Variants in PROSER1 observed in about 807,000 individuals in gnomAD.
The protein encoded by PROSER1 is proline and serine-rich protein 1.
PROSER1 carries 36 observed loss-of-function variants against 71.8 expected under a neutral mutation model. The observed-to-expected ratio is 0.50, with a 90% CI of 0.38 to 0.66. The LOEUF is 0.66. Among genes scored for constraint, PROSER1 ranks in the 30% least tolerant of loss-of-function variants. The pLI, the probability that PROSER1 is intolerant of heterozygous loss-of-function variation, is 0.00. For synonymous variants in PROSER1, 490 were observed against 452.4 expected (o/e 1.08, Z -1.06); for missense variants, 1,107 against 1,135.0 (o/e 0.98, Z 0.35).
At position 39,024,576 on chromosome 13, in the gene PROSER1, A is replaced by G. The variant is rs1193169848; in HGVS notation, c.481-20T>C. The G allele has an allele frequency of 1.3e-6, 2 of 1,495,938 alleles. No individual in the cohort carries two copies. The highest frequency in any genetic ancestry group is 2.4e-5 in the East Asian group (1 of 42,388). The allele number at this position is 1,495,938 out of a possible 1,614,324, so 92.7% of individuals were successfully genotyped here. ...AGTTCCCTATTAAAAAAAAAAAAAA[A>G]AGGTAATTGAAACTTAAAAAAAAAA... On this transcript the variant is annotated intron_variant, in intron 6 of 12. Coordinates refer to ENST00000352251, the MANE Select transcript of PROSER1 (RefSeq NM_025138.5).
intron 8 of PROSER1, 104 bp downstream of exon 8, chr13:39,022,948 A>ATT (rs1354937680): frequency 1.1e-6 from 1 of 888,214 alleles, no homozygotes; most frequent in African/African-American, 1.7e-5. Flanking sequence ...GTAGCATTTC[A>ATT]TAAGTGCTAC....
intron 11 of PROSER1, 169 bp from the exon 12 acceptor site, chr13:39,012,402 TCTA>T: frequency 4.1e-6 from 3 of 734,772 alleles, no homozygotes; most frequent in East Asian, 2.7e-5. Context: ...TATGAATCTT[TCTA>T]CTGTGAAGTA....
Position 39,013,650 on chromosome 13 carries a change from C to T in PROSER1, c.1602G>A (p.Gly534=), listed in dbSNP as rs1267869273. 1 of 1,614,058 alleles carries T rather than the reference C, an allele frequency of 6.2e-7. No homozygotes were observed. The highest frequency in any genetic ancestry group is 1.1e-5 in the South Asian group (1 of 91,080). Residue 534 remains glycine (G), a synonymous_variant, in exon 11 of 13, where the codon GGG becomes GGA. Coordinates refer to ENST00000352251, the MANE Select transcript of PROSER1 (RefSeq NM_025138.5). The part of the protein sequence containing the change: ...IPTPQRTSTP[G]LALFPGLPSP... ...ACGGCAGGCCTGGGAACAGGGCCAA[C>T]CCTGGAGTGGAAGTCCTCTGTGGGG...
chr13:39,022,379 G>C lies in PROSER1; in HGVS notation c.677C>G (p.Ala226Gly), dbSNP rs570957169. 1 of 1,612,598 alleles carries C rather than the reference G, an allele frequency of 6.2e-7. No individual in the cohort carries two copies. The highest frequency in any genetic ancestry group is 1.3e-5 in the African/African-American group (1 of 74,862). The change falls in exon 9 of 13, where the codon GCG becomes GGG. Residue 226 changes from alanine (A) to glycine (G), a missense_variant. Coordinates refer to ENST00000352251, the MANE Select transcript of PROSER1 (RefSeq NM_025138.5). ...AGGTGGAGGTGGAGCTATGACATTC[G>C]CTAATGGTACCAGACCTGCATTGTT... is the stretch of plus-strand genomic sequence containing the variant. ...AYNNAGLVPL[A>G]NVIAPPPPPY... is the part of the protein sequence containing the mutation.
At chr13:39,029,480 T>A in intron 3 of PROSER1, 105 bp from the exon 4 acceptor site, 1 of 544,206 alleles carries the variant, frequency 1.8e-6, no homozygotes, top group Non-Finnish European at 3.1e-6. Context: ...ACATTTTAGA[T>A]AAAATATATC....
chr13:39,014,513 T>C (rs1869916138), intron 10 of PROSER1, 37 bp from the exon 11 acceptor site: 3 of 1,466,554 alleles, frequency 2.0e-6, no homozygotes, highest in African/African-American at 2.8e-5. Flanking sequence ...GAATGTATCA[T>C]CATGCTGAAA....
rs745851067 is a variant in PROSER1, at chr13:39,024,500, A to G, written c.537T>C (p.Ala179=). The change falls in exon 7 of 13, where the codon GCT becomes GCC. Residue 179 remains alanine, a synonymous_variant. Coordinates refer to ENST00000352251, the MANE Select transcript of PROSER1 (RefSeq NM_025138.5). The part of the protein sequence containing the change: ...EECTNEGKGI[A]ARILGPSKPP... ...GTTTGGATGGCCCAAGAATTCGTGC[A>G]GCTATTCCTTTGCCTTCGTTAGTAC... The G allele has an allele frequency of 1.9e-6, 3 of 1,611,552 alleles. No individual in the cohort carries two copies.
chr13:39,022,200 C>G, intron 9 of PROSER1, 126 bp downstream of exon 9: 1 of 692,090 alleles, frequency 1.4e-6, no homozygotes, highest in East Asian at 2.5e-5. Context: ...GGATTCACTT[C>G]CAGATCCTTC....
intron 6 of PROSER1, 83 bp downstream of exon 6, chr13:39,026,189 ATTCCT>A: frequency 1.2e-6 from 1 of 814,944 alleles, no homozygotes; most frequent in Non-Finnish European, 2.0e-6. Flanking sequence ...CCGACATAAA[ATTCCT>A]TTCCTTTAAA....
At chr13:39,031,848 T>C (rs1870860662) in intron 2 of PROSER1, 2 of 506,222 alleles carry the variant, frequency 4.0e-6, no homozygotes, top group South Asian at 6.5e-5. Flanking sequence ...AGTTCCTTAG[T>C]GACACAAGCT....
At chr13:39,017,693 TAAAA>T (rs1870072449) in intron 9 of PROSER1, 149 bp from the exon 10 acceptor site, 2 of 557,850 alleles carry the variant, frequency 3.6e-6, no homozygotes, top group Admixed American at 3.6e-5. Context: ...GGAAAATAAA[TAAAA>T]ATAGTAGTAA....
Position 39,024,518 on chromosome 13 carries a change from G to T in PROSER1, c.519C>A (p.Asn173Lys). The T allele has an allele frequency of 6.3e-7, 1 of 1,597,954 alleles. No homozygotes were observed. The highest frequency in any genetic ancestry group is 8.5e-7 in the Non-Finnish European group (1 of 1,172,082). Residue 173 changes from asparagine (N) to lysine (K), a missense_variant, in exon 7 of 13, where the codon AAC (asparagine) becomes AAA (lysine). Physicochemically the swap from Asn to Lys is moderately conservative, Grantham distance 94. Transcript: ENST00000352251. ...TTCGTGCAGCTATTCCTTTGCCTTC[G>T]TTAGTACATTCTTCACCATCTTTTT... ...PLKKDGEECT[N>K]EGKGIAARIL...
chr13:39,011,189 G>A lies in PROSER1; in HGVS notation c.*176C>T, dbSNP rs1282261346. On this transcript the variant is annotated 3_prime_UTR_variant, in exon 13 of 13. Transcript: ENST00000352251. ...TTTATTGTCAGCATATTTACATAGG[G>A]GAGTGTTCACACTTTAAAATGCAAC... is the stretch of plus-strand genomic sequence containing the variant. The A allele has an allele frequency of 3.2e-6, 2 of 625,496 alleles. No individual in the cohort carries two copies. Among genetic ancestry groups the A allele is most frequent in the Non-Finnish European group, 5.7e-6 (2 of 352,024 alleles). The allele number at this position is 625,496 out of a possible 1,614,324, so 38.7% of individuals were successfully genotyped here.
At position 39,014,442 on chromosome 13, in the gene PROSER1, A is replaced by C; in HGVS notation, c.810T>G (p.Pro270=). The change falls in exon 11 of 13, where the codon CCT becomes CCG. Residue 270 remains proline (P), a synonymous_variant. Transcript: ENST00000352251. ...CAGGTGTTGAAGGATTAGAACCATG[A>C]GGAGAAAAGAGTTGACTTGCTGGGG... is the stretch of plus-strand genomic sequence containing the variant. ...FSTPASQLFS[P]HGSNPSTPAA... is the part of the protein sequence containing the mutation. 6.2e-7 allele frequency: 1 copy of C among 1,612,094 alleles called. No homozygotes were observed. Among genetic ancestry groups the C allele is most frequent in the Non-Finnish European group, 8.5e-7 (1 of 1,178,372 alleles).
chr13:39,026,936 A>G (rs1566026874), intron 5 of PROSER1, among the ~76,000 whole-genome samples: 1 of 152,192 alleles, frequency 6.6e-6, no homozygotes, highest in Non-Finnish European at 1.5e-5. Context: ...TTTAGGTCTA[A>G]GCTGTTTATT....
In PROSER1 at chr13:39,011,358, A is replaced by T; in HGVS notation, c.*7T>A. The T allele has an allele frequency of 6.2e-7, 1 of 1,613,796 alleles. No homozygotes were observed. The highest frequency in any genetic ancestry group is 1.1e-5 in the South Asian group (1 of 91,050). On this transcript the variant is annotated 3_prime_UTR_variant, in exon 13 of 13. Transcript: ENST00000352251. Reference sequence around the variant, plus strand: ...TTGCTCTGAAGGAGAATAAAAGTTAAAAGTATTCACTGCCACCCACTCTGG... The same window carrying T: ...TTGCTCTGAAGGAGAATAAAAGTTATAAGTATTCACTGCCACCCACTCTGG...
intron 9 of PROSER1, among the ~76,000 whole-genome samples, chr13:39,019,617 AGG>A (rs1870194721): frequency 6.6e-6 from 1 of 151,836 alleles, no homozygotes; most frequent in Non-Finnish European, 1.5e-5. Flanking sequence ...AAGAATAAGA[AGG>A]TAATCATTGG....
chr13:39,028,450 T>C, intron 4 of PROSER1, 130 bp from the exon 5 acceptor site: 1 of 473,414 alleles, frequency 2.1e-6, no homozygotes, highest in Non-Finnish European at 3.8e-6. Context: ...TGTGACTATT[T>C]ACTTTTAACA....
At position 39,012,819 on chromosome 13, in the gene PROSER1, C is replaced by T. The variant is rs747030436; in HGVS notation, c.2433G>A (p.Ala811=). 16 of 1,613,968 alleles carry T rather than the reference C, an allele frequency of 9.9e-6. No individual in the cohort carries two copies. The highest frequency in any genetic ancestry group is 6.7e-5 in the Admixed American group (4 of 59,992). Residue 811 remains alanine (A), a synonymous_variant, in exon 11 of 13, where the codon GCG becomes GCA. Transcript: ENST00000352251. ...PALPSFPGLQ[A]PSTVAAVTPL... ...GTGTGACAGCTGCGACTGTAGAGGG[C>T]GCCTGCAGCCCCGGGAATGAGGGAA...
Sources: allele counts gnomAD v4.1 joint callset (sites outside exome capture counted in the v4.1 genomes callset), GRCh38; gene constraint gnomAD v4.1.1; transcripts MANE v1.5; gene names NCBI Gene and HGNC (gene_info 2026-07-23, HGNC 2026-07-21).